Variants in PRDM5 observed in about 807,000 individuals in gnomAD.
PRDM5 encodes the protein PR domain zinc finger protein 5.
In PRDM5, 56 loss-of-function variants were observed where a neutral mutation model predicts 81.2. That is an observed-to-expected ratio of 0.69 (90% confidence interval 0.56 to 0.86). PRDM5 has a LOEUF of 0.86. Among genes scored for constraint, PRDM5 ranks in the 40% least tolerant of loss-of-function variants. The probability of loss-of-function intolerance (pLI) is 0.00; values close to 1 mark genes in which losing one functional copy is unlikely to be tolerated. For synonymous variants in PRDM5, 267 were observed against 256.4 expected (o/e 1.04, Z -0.39); for missense variants, 697 against 770.1 (o/e 0.91, Z 1.12).
At chr4:120,752,183 A>C (rs1038389192) in intron 14 of PRDM5, among the ~76,000 whole-genome samples, 12 of 152,234 alleles carry the variant, frequency 7.9e-5, no homozygotes, top group African/African-American at 2.9e-4. Context: ...GTACTAGCTG[A>C]TAACCTTAGT....
rs1755221729 is a variant in PRDM5, at chr4:120,821,238, T to C, written c.408A>G (p.Gln136=). The change falls in exon 4 of 16, where the codon CAA becomes CAG. Residue 136 remains glutamine, a synonymous_variant. Transcript: ENST00000264808. ...CCCCTTCTTTGATGACTGTCATAAT[T>C]TGCTGTTCTTCCTCCTCAGCCTCCA... The part of the protein sequence containing the change: ...SDMEAEEEEQ[Q]IMTVIKEGEV... 1.9e-6 allele frequency: 3 copies of C among 1,614,136 alleles called. No homozygotes were observed. The East Asian group carries it at 6.7e-5, about 36-fold the overall frequency.
At chr4:120,891,146 G>A (rs1763999486) in intron 2 of PRDM5, among the ~76,000 whole-genome samples, 1 of 152,114 alleles carries the variant, frequency 6.6e-6, no homozygotes, top group African/African-American at 2.4e-5. Context: ...ATTTGATTGT[G>A]AATCCATCTG....
chr4:120,835,904 C>T (rs1757299583), intron 3 of PRDM5, among the ~76,000 whole-genome samples: 1 of 152,118 alleles, frequency 6.6e-6, no homozygotes, highest in Non-Finnish European at 1.5e-5. Context: ...CTGTCCACAA[C>T]ACCTAATGTT....
intron 10 of PRDM5, 127 bp downstream of exon 10, chr4:120,798,140 G>A: frequency 1.6e-6 from 1 of 620,794 alleles, no homozygotes. Flanking sequence ...GCCCAGGTGA[G>A]TGATCTTCTC....
At chr4:120,796,425 G>T (rs1249734245) in intron 10 of PRDM5, among the ~76,000 whole-genome samples, 1 of 152,180 alleles carries the variant, frequency 6.6e-6, no homozygotes, top group Admixed American at 6.6e-5. Context: ...CTTAAAGTAT[G>T]AGAGATGGTG....
chr4:120,898,700 T>C (rs1359076499), intron 2 of PRDM5, among the ~76,000 whole-genome samples: 1 of 152,240 alleles, frequency 6.6e-6, no homozygotes, highest in East Asian at 1.9e-4. Context: ...AATATTGATG[T>C]GTTCAAGTTC....
At chr4:120,747,823 C>T (rs1005313734) in intron 14 of PRDM5, among the ~76,000 whole-genome samples, 6 of 152,192 alleles carry the variant, frequency 3.9e-5, no homozygotes, top group African/African-American at 1.2e-4. Flanking sequence ...GAGAGAACTG[C>T]GATCTTAGAA....
At chr4:120,763,571 T>G (rs1159388474) in intron 13 of PRDM5, among the ~76,000 whole-genome samples, 1 of 152,140 alleles carries the variant, frequency 6.6e-6, no homozygotes, top group African/African-American at 2.4e-5. Flanking sequence ...CAAAAACTCT[T>G]CCATGAGTGT....
intron 14 of PRDM5, among the ~76,000 whole-genome samples, chr4:120,754,168 C>T (rs968294019): frequency 3.9e-5 from 6 of 152,088 alleles, no homozygotes; most frequent in Non-Finnish European, 8.8e-5. Flanking sequence ...ATCAGTATTA[C>T]TTAATGGCCA....
At chr4:120,699,146 A>C in intron 15 of PRDM5, among the ~76,000 whole-genome samples, 1 of 130,908 alleles carries the variant, frequency 7.6e-6, no homozygotes, top group Non-Finnish European at 1.6e-5. Flanking sequence ...TGTATAGGCA[A>C]TTATAGGAAA....
intron 14 of PRDM5, among the ~76,000 whole-genome samples, chr4:120,721,200 A>T (rs1738549498): frequency 6.6e-6 from 1 of 152,202 alleles, no homozygotes; most frequent in African/African-American, 2.4e-5. Context: ...AAACTAGTCC[A>T]TTTGGAATCG....
chr4:120,828,662 A>C (rs1756335809), intron 3 of PRDM5, among the ~76,000 whole-genome samples: 1 of 152,070 alleles, frequency 6.6e-6, no homozygotes, highest in Non-Finnish European at 1.5e-5. Context: ...AGTGACTTAC[A>C]AAATTATTCT....
In PRDM5 at chr4:120,777,339, T is replaced by G. The variant is rs72921539; in HGVS notation, c.1444-58A>C. The G allele has an allele frequency of 7.6e-4, 1,220 of 1,610,644 alleles. 6 individuals are homozygous for G. The African/African-American group carries it at 0.014, about 19-fold the overall frequency. On this transcript the variant is annotated intron_variant, in intron 12 of 15. Coordinates refer to ENST00000264808, the MANE Select transcript of PRDM5 (RefSeq NM_018699.4). ...AATACAAAGAATTAGGTAAAGATGA[T>G]TAAATGCCTCTGACAATAGTAAATC...
chr4:120,847,266 A>G (rs754805127), intron 3 of PRDM5, among the ~76,000 whole-genome samples: 4 of 152,044 alleles, frequency 2.6e-5, no homozygotes, highest in Non-Finnish European at 5.9e-5. Context: ...GATGCTGTGG[A>G]ACGTTATTTC....
intron 14 of PRDM5, among the ~76,000 whole-genome samples, chr4:120,741,989 A>C (rs1742086626): frequency 6.6e-6 from 1 of 152,242 alleles, no homozygotes; most frequent in Admixed American, 6.5e-5. Context: ...ACAGACAAAC[A>C]AAAAGATAGC....
chr4:120,705,830 T>C (rs1268394164), intron 15 of PRDM5, among the ~76,000 whole-genome samples: 1 of 152,140 alleles, frequency 6.6e-6, no homozygotes, highest in Non-Finnish European at 1.5e-5. Context: ...TATTGCAATA[T>C]TCCAGGAGAC....
At position 120,695,058 on chromosome 4, in the gene PRDM5, T is replaced by A; in HGVS notation, c.*53A>T. On this transcript the variant is annotated 3_prime_UTR_variant, in exon 16 of 16. Coordinates refer to ENST00000264808, the MANE Select transcript of PRDM5 (RefSeq NM_018699.4). The stretch of plus-strand genomic sequence containing the variant: ...TTATGCTGATCAGGTGATAAAAATC[T>A]GGGATTCATATTAGGAGCCCTTCTG... 6.4e-7 allele frequency: 1 copy of A among 1,567,156 alleles called. No homozygotes were observed. The highest frequency in any genetic ancestry group is 8.8e-7 in the Non-Finnish European group (1 of 1,138,430).
intron 3 of PRDM5, among the ~76,000 whole-genome samples, chr4:120,834,641 G>A (rs1022799948): frequency 4.5e-4 from 68 of 152,166 alleles, no homozygotes; most frequent in African/African-American, 1.5e-3. Flanking sequence ...ATTATTCTGT[G>A]TGTTTCTGTG....
chr4:120,898,092 A>G (rs1764849004), intron 2 of PRDM5, among the ~76,000 whole-genome samples: 1 of 152,208 alleles, frequency 6.6e-6, no homozygotes, highest in Non-Finnish European at 1.5e-5. Flanking sequence ...GTTTTCTATC[A>G]GGCAGAGCAG....
Sources: gnomAD v4.1 joint callset for allele counts (sites outside exome capture counted in the v4.1 genomes callset) on GRCh38, gnomAD v4.1.1 for gene constraint, MANE v1.5 for transcripts, NCBI Gene and HGNC (gene_info 2026-07-23, HGNC 2026-07-21) for gene names.